Variants in NRXN1 observed in about 807,000 individuals in gnomAD.
The protein encoded by NRXN1 is neurexin-1.
A neutral mutation model predicts 150.9 loss-of-function variants in NRXN1; 39 were observed. That is an observed-to-expected ratio of 0.26 (90% CI 0.20 to 0.34). The LOEUF is 0.34. NRXN1 is among the 10% of genes least tolerant of loss of function. NRXN1 has a pLI of 1.00. For missense variants in NRXN1, 1,815 were observed against 1,949.9 expected, an observed-to-expected ratio of 0.93 and a Z score of 1.30; for synonymous variants, 924 against 757.0, an observed-to-expected ratio of 1.22 and a Z score of -3.62.
At chr2:50,341,905 T>A (rs1389263262) in intron 17 of NRXN1, among the ~76,000 whole-genome samples, 1 of 152,230 alleles carries the variant, frequency 6.6e-6, no homozygotes, top group Non-Finnish European at 1.5e-5. Flanking sequence ...ACTTTATGTT[T>A]TTTGCATTTA....
At chr2:50,623,859 A>T (rs1315608259) in intron 5 of NRXN1, among the ~76,000 whole-genome samples, 3 of 152,082 alleles carry the variant, frequency 2.0e-5, no homozygotes, top group African/African-American at 7.2e-5. Flanking sequence ...ATATGTATAC[A>T]TGTGCCATGT....
chr2:50,318,310 G>A (rs142113858), intron 17 of NRXN1, among the ~76,000 whole-genome samples: 156 of 152,180 alleles, frequency 1.0e-3, no homozygotes, highest in African/African-American at 3.6e-3. Flanking sequence ...AAGTTTAGAT[G>A]AGAACACAGA....
intron 2 of NRXN1, among the ~76,000 whole-genome samples, chr2:51,019,310 A>C (rs1027593871): frequency 4.6e-5 from 7 of 152,134 alleles, no homozygotes; most frequent in Non-Finnish European, 5.9e-5. Flanking sequence ...AAAATTATCA[A>C]GTAGGACTAT....
intron 8 of NRXN1, among the ~76,000 whole-genome samples, chr2:50,595,104 GGTGT>G (rs35623463): frequency 0.23 from 34,499 of 151,522 alleles, 4,595 homozygotes; most frequent in East Asian, 0.4. Flanking sequence ...ACAAACATGG[GGTGT>G]GTATTGTTAT....
chr2:50,748,824 T>C (rs1031028133), intron 5 of NRXN1, among the ~76,000 whole-genome samples: 1 of 152,052 alleles, frequency 6.6e-6, no homozygotes, highest in Non-Finnish European at 1.5e-5. Flanking sequence ...ATATACAACT[T>C]TTCAATTCTC....
intron 8 of NRXN1, among the ~76,000 whole-genome samples, chr2:50,573,021 T>TA (rs1196409426): frequency 6.6e-6 from 1 of 152,218 alleles, no homozygotes; most frequent in Admixed American, 6.5e-5. Flanking sequence ...TACAATTGGA[T>TA]AATATGCAAT....
chr2:50,482,966 G>C (rs376232990), intron 15 of NRXN1, among the ~76,000 whole-genome samples: 1 of 146,686 alleles, frequency 6.8e-6, no homozygotes, highest in Non-Finnish European at 1.5e-5. Flanking sequence ...CAGGAGAATC[G>C]CTTGAACCCG....
At chr2:50,575,375 C>T (rs1161633426) in intron 8 of NRXN1, among the ~76,000 whole-genome samples, 1 of 152,234 alleles carries the variant, frequency 6.6e-6, no homozygotes, top group East Asian at 1.9e-4. Context: ...CCAGGGTGGG[C>T]GACATATGGG....
chr2:50,131,252 C>G (rs1705445768), intron 18 of NRXN1, among the ~76,000 whole-genome samples: 1 of 152,196 alleles, frequency 6.6e-6, no homozygotes, highest in African/African-American at 2.4e-5. Context: ...TAATCATTAA[C>G]ACCTTTGTCC....
rs117650108 is a variant in NRXN1 at position 50,690,376 on chromosome 2, C to A, written c.833-66761G>T. 3.9e-4 allele frequency among the ~76,000 whole-genome samples: 60 copies of A among 152,246 alleles called. 7 individuals are homozygous for A. Among genetic ancestry groups the A allele is most frequent in the Admixed American group, 2.5e-3 (38 of 15,286 alleles). On this transcript the variant is annotated intron_variant, in intron 5 of 22. Transcript: ENST00000401669. ...GGCCCATACTATGAATGATTCAGCA[C>A]GCAGACCTTTGAAATTGTGATAGTC...
At chr2:50,954,059 C>A (rs1465860896) in intron 2 of NRXN1, among the ~76,000 whole-genome samples, 1 of 152,114 alleles carries the variant, frequency 6.6e-6, no homozygotes, top group Non-Finnish European at 1.5e-5. Flanking sequence ...AAGCACACAC[C>A]CTTTTTAATG....
At chr2:50,448,866 A>G (rs1558750458) in intron 17 of NRXN1, among the ~76,000 whole-genome samples, 1 of 152,176 alleles carries the variant, frequency 6.6e-6, no homozygotes, top group Non-Finnish European at 1.5e-5. Context: ...ACACTAAAAT[A>G]TACAAAATAA....
chr2:50,496,270 C>G (rs1339363804), intron 14 of NRXN1, among the ~76,000 whole-genome samples, 175 bp from the exon 15 acceptor site: 1 of 152,058 alleles, frequency 6.6e-6, no homozygotes, highest in Admixed American at 6.6e-5. Context: ...TATTCTGTTT[C>G]AGCAAAGAGG....
chr2:50,631,219 C>A (rs1023593344), intron 5 of NRXN1: 8 of 397,062 alleles, frequency 2.0e-5, no homozygotes, highest in Admixed American at 1.3e-4. Flanking sequence ...TTCTCTTGTT[C>A]TGCAGCGAGT....
chr2:50,192,441 A>G (rs2061502496), intron 18 of NRXN1, among the ~76,000 whole-genome samples: 1 of 152,240 alleles, frequency 6.6e-6, no homozygotes, highest in African/African-American at 2.4e-5. Flanking sequence ...GTAGCAATTT[A>G]TAATGATGAT....
intron 5 of NRXN1, among the ~76,000 whole-genome samples, chr2:50,786,791 G>T (rs555571333): frequency 6.6e-6 from 1 of 152,134 alleles, no homozygotes; most frequent in South Asian, 2.1e-4. Context: ...ATTAATGCCC[G>T]CATAAGAATT....
At chr2:50,113,751 G>C (rs1308774326) in intron 18 of NRXN1, among the ~76,000 whole-genome samples, 2 of 152,130 alleles carry the variant, frequency 1.3e-5, no homozygotes, top group Non-Finnish European at 2.9e-5. Context: ...TGTGAGTGAG[G>C]CAGAAGGAGG....
chr2:50,109,672 G>A (rs994867244), intron 18 of NRXN1, among the ~76,000 whole-genome samples: 2 of 152,024 alleles, frequency 1.3e-5, no homozygotes, highest in Non-Finnish European at 2.9e-5. Context: ...TGTCTTGACA[G>A]CAATTACTGC....
intron 17 of NRXN1, among the ~76,000 whole-genome samples, chr2:50,279,277 C>A (rs983721846): frequency 2.0e-5 from 3 of 152,138 alleles, no homozygotes; most frequent in Non-Finnish European, 4.4e-5. Context: ...TCACTGTCAA[C>A]ATTTTCTGTT....
Sources: allele counts gnomAD v4.1 joint callset (sites outside exome capture counted in the v4.1 genomes callset), GRCh38; gene constraint gnomAD v4.1.1; transcripts MANE v1.5; gene names NCBI Gene and HGNC (gene_info 2026-07-23, HGNC 2026-07-21).